ZBTB20: variants seen among roughly 807,000 people sequenced by gnomAD.
ZBTB20 encodes zinc finger and BTB domain containing 20.
A neutral mutation model predicts 56.9 loss-of-function variants in ZBTB20; 9 were observed. That is an observed-to-expected ratio of 0.16 (90% CI 0.10 to 0.28). ZBTB20 has a LOEUF of 0.28. Among genes scored for constraint, ZBTB20 ranks in the 10% least tolerant of loss-of-function variants. The probability of loss-of-function intolerance (pLI) is 1.00; values close to 1 mark genes in which losing one functional copy is unlikely to be tolerated. For synonymous variants in ZBTB20, 417 were observed against 420.7 expected (o/e 0.99, Z 0.11); for missense variants, 655 against 1,003.0 (o/e 0.65, Z 4.69).
intron 6 of ZBTB20, among the ~76,000 whole-genome samples, chr3:114,565,817 C>A (rs1446943094): frequency 6.6e-6 from 1 of 151,988 alleles, no homozygotes; most frequent in Admixed American, 6.6e-5. Flanking sequence ...AAGTGAAATT[C>A]TTAGTTCTCA....
At chr3:114,561,160 C>T (rs2051995360) in intron 6 of ZBTB20, among the ~76,000 whole-genome samples, 1 of 152,134 alleles carries the variant, frequency 6.6e-6, no homozygotes. Flanking sequence ...AATTCTAGTT[C>T]TCTTGTTATT....
chr3:114,539,170 G>T (rs918405277), intron 6 of ZBTB20, among the ~76,000 whole-genome samples: 1 of 152,108 alleles, frequency 6.6e-6, no homozygotes, highest in Non-Finnish European at 1.5e-5. Flanking sequence ...AGCTTTAGAA[G>T]ATTATAATTT....
At chr3:114,619,955 G>A (rs1369471536) in intron 6 of ZBTB20, among the ~76,000 whole-genome samples, 4 of 152,206 alleles carry the variant, frequency 2.6e-5, no homozygotes, top group Non-Finnish European at 5.9e-5. Flanking sequence ...CACGGATGTG[G>A]AAGTTTGAGG....
chr3:114,949,277 G>C (rs1333830441), intron 3 of ZBTB20, among the ~76,000 whole-genome samples: 5 of 145,966 alleles, frequency 3.4e-5, no homozygotes. Context: ...TGAATTTCAG[G>C]TAAAATGCAG....
At chr3:114,869,573 T>C (rs1336196395) in intron 4 of ZBTB20, among the ~76,000 whole-genome samples, 1 of 152,164 alleles carries the variant, frequency 6.6e-6, no homozygotes, top group East Asian at 1.9e-4. Flanking sequence ...TCCTCTTAAG[T>C]GGAAGTAGAA....
intron 6 of ZBTB20, among the ~76,000 whole-genome samples, chr3:114,576,838 C>T (rs889864903): frequency 2.0e-5 from 3 of 151,396 alleles, no homozygotes; most frequent in Admixed American, 2.0e-4. Flanking sequence ...ACCAAGCAAG[C>T]ATAAAAACAT....
intron 6 of ZBTB20, among the ~76,000 whole-genome samples, chr3:114,546,700 C>T (rs1467810849): frequency 6.6e-6 from 1 of 151,868 alleles, no homozygotes; most frequent in Non-Finnish European, 1.5e-5. Context: ...AAGGAGATGC[C>T]CTCCACTCCC....
At chr3:114,710,326 T>C (rs1318354352) in intron 5 of ZBTB20, 1 of 152,120 alleles carries the variant, frequency 6.6e-6, no homozygotes, top group African/African-American at 2.4e-5. Context: ...GTAAAGAAAA[T>C]ACATATGCAG....
intron 5 of ZBTB20, among the ~76,000 whole-genome samples, chr3:114,781,820 T>G (rs561296995): frequency 2.2e-4 from 34 of 152,336 alleles, no homozygotes; most frequent in African/African-American, 8.2e-4. Flanking sequence ...GGTGATTTTA[T>G]AAGGGGTTTC....
At chr3:115,066,303 C>T (rs2082204768) in intron 2 of ZBTB20, among the ~76,000 whole-genome samples, 1 of 151,892 alleles carries the variant, frequency 6.6e-6, no homozygotes, top group Admixed American at 6.6e-5. Context: ...CCCAGGTACT[C>T]GAGAAAAACA....
At chr3:115,047,758 A>T (rs1576645520) in intron 2 of ZBTB20, among the ~76,000 whole-genome samples, 1 of 152,284 alleles carries the variant, frequency 6.6e-6, no homozygotes, top group African/African-American at 2.4e-5. Context: ...TTCAGGATCT[A>T]ATTGGTGGTG....
At chr3:114,524,817 C>T (rs1303883956) in intron 6 of ZBTB20, among the ~76,000 whole-genome samples, 3 of 152,100 alleles carry the variant, frequency 2.0e-5, no homozygotes, top group Non-Finnish European at 4.4e-5. Flanking sequence ...CAGGTTCAAG[C>T]GATTCCCCTG....
chr3:114,512,297 AG>A (rs10711070), intron 6 of ZBTB20, among the ~76,000 whole-genome samples: 50,502 of 151,926 alleles, frequency 0.33, 9,334 homozygotes, highest in African/African-American at 0.5. Flanking sequence ...TGGTTAAGAT[AG>A]GGGAGAATAT....
chr3:114,891,994 C>T (rs928511119), intron 4 of ZBTB20, among the ~76,000 whole-genome samples: 6 of 152,094 alleles, frequency 3.9e-5, no homozygotes, highest in African/African-American at 1.4e-4. Flanking sequence ...TTGCAGTGAG[C>T]CGTGATCGCG....
At chr3:114,853,824 C>T (rs1431701648) in intron 4 of ZBTB20, among the ~76,000 whole-genome samples, 1 of 152,178 alleles carries the variant, frequency 6.6e-6, no homozygotes, top group East Asian at 1.9e-4. Flanking sequence ...AAAATGACCT[C>T]ATGTGAGTAG....
At chr3:114,557,527 T>C (rs1285133433) in intron 6 of ZBTB20, among the ~76,000 whole-genome samples, 3 of 152,018 alleles carry the variant, frequency 2.0e-5, no homozygotes, top group African/African-American at 7.2e-5. Context: ...ATTATGTTCA[T>C]GTTTTCCTGG....
At chr3:114,469,155 A>C (rs1003174367) in intron 7 of ZBTB20, among the ~76,000 whole-genome samples, 1 of 152,058 alleles carries the variant, frequency 6.6e-6, no homozygotes, top group Non-Finnish European at 1.5e-5. Context: ...GATGCAGCTC[A>C]TAGGCCACTG....
chr3:114,645,966 C>G (rs1292588037), intron 6 of ZBTB20, among the ~76,000 whole-genome samples: 1 of 151,722 alleles, frequency 6.6e-6, no homozygotes, highest in Non-Finnish European at 1.5e-5. Flanking sequence ...AAGTCCAAAG[C>G]ACAGAGAAGG....
At chr3:114,715,206 AC>A (rs1341436488) in intron 5 of ZBTB20, among the ~76,000 whole-genome samples, 30 of 152,340 alleles carry the variant, frequency 2.0e-4, no homozygotes, top group Admixed American at 1.1e-3. Context: ...GCTCAAAAAA[AC>A]AAAGTCATTT....
Sources: gnomAD v4.1 joint callset for allele counts (sites outside exome capture counted in the v4.1 genomes callset) on GRCh38, gnomAD v4.1.1 for gene constraint, MANE v1.5 for transcripts, NCBI Gene and HGNC (gene_info 2026-07-23, HGNC 2026-07-21) for gene names.